UNC79: variants seen among roughly 807,000 people sequenced by gnomAD.
UNC79 encodes protein unc-79 homolog.
In UNC79, 37 loss-of-function variants were observed where a neutral mutation model predicts 283.1. The ratio of observed to expected loss-of-function variants is 0.13; its 90% confidence interval spans 0.10 to 0.17. UNC79 has a LOEUF of 0.17. Ranked by LOEUF, UNC79 falls within the 10% of genes least tolerant of loss-of-function variation. The pLI is 1.00. For synonymous variants in UNC79, 1,107 were observed against 1,200.2 expected, an observed-to-expected ratio of 0.92 and a Z score of 1.61; for missense variants, 2,272 against 3,211.1, an observed-to-expected ratio of 0.71 and a Z score of 7.07.
At chr14:93,392,492 T>A (rs1272502516) in intron 1 of UNC79, among the ~76,000 whole-genome samples, 1 of 152,232 alleles carries the variant, frequency 6.6e-6, no homozygotes, top group Admixed American at 6.5e-5. Flanking sequence ...ACATGTAGTT[T>A]GTATCAAATT....
At chr14:93,458,318 C>G (rs1385519055) in intron 1 of UNC79, among the ~76,000 whole-genome samples, 1 of 152,168 alleles carries the variant, frequency 6.6e-6, no homozygotes, top group East Asian at 1.9e-4. Flanking sequence ...AAAAACAGAA[C>G]AGAACAAACA....
chr14:93,681,180 G>C (rs1469975010), intron 41 of UNC79, among the ~76,000 whole-genome samples: 1 of 152,214 alleles, frequency 6.6e-6, no homozygotes, highest in Non-Finnish European at 1.5e-5. Context: ...AAATGGAAAT[G>C]ACAGAATGTT....
chr14:93,577,298 T>C (rs1192232771), intron 17 of UNC79, among the ~76,000 whole-genome samples: 1 of 152,248 alleles, frequency 6.6e-6, no homozygotes, highest in Non-Finnish European at 1.5e-5. Flanking sequence ...CCACGACTTC[T>C]TGGGCATAGA....
chr14:93,459,415 T>A (rs895754174), intron 1 of UNC79, among the ~76,000 whole-genome samples: 2 of 152,250 alleles, frequency 1.3e-5, no homozygotes, highest in Admixed American at 6.5e-5. Context: ...AATAGTCTAA[T>A]ATTTTGTCTG....
intron 1 of UNC79, among the ~76,000 whole-genome samples, chr14:93,404,484 T>G (rs1218694778): frequency 8.1e-5 from 1 of 12,284 alleles, no homozygotes; most frequent in African/African-American, 8.9e-4. Context: ...AGTGAGACCT[T>G]CTAAAAAAAA....
intron 22 of UNC79, among the ~76,000 whole-genome samples, chr14:93,592,335 C>A (rs1464692900): frequency 6.6e-6 from 1 of 151,754 alleles, no homozygotes; most frequent in African/African-American, 2.4e-5. Flanking sequence ...CCACCACGCC[C>A]GGCTAATTTT....
chr14:93,593,122 C>G (rs76304748), intron 22 of UNC79, among the ~76,000 whole-genome samples: 6 of 152,302 alleles, frequency 3.9e-5, no homozygotes, highest in Admixed American at 1.3e-4. Context: ...TTGGGTCATA[C>G]GCCTTCTCCT....
At position 93,505,575 on chromosome 14, in the gene UNC79, A is replaced by G. The variant is rs535510632; in HGVS notation, c.898+8289A>G. ...TTTATGTGTGTCTTGTAATCAGCAT[A>G]TAGTTCTTTAAACTCAATACTTACG... is the stretch of plus-strand genomic sequence containing the variant. On this transcript the variant is annotated intron_variant, in intron 7 of 48. Coordinates refer to ENST00000555664, the Ensembl canonical transcript of UNC79. Among the ~76,000 whole-genome samples, 23 of 152,198 alleles carry G rather than the reference A, an allele frequency of 1.5e-4. No homozygotes were observed. The South Asian group carries it at 4.8e-3, about 32-fold the overall frequency.
At chr14:93,569,899 T>C (rs1000211465) in intron 14 of UNC79, among the ~76,000 whole-genome samples, 6 of 152,318 alleles carry the variant, frequency 3.9e-5, no homozygotes, top group African/African-American at 1.4e-4. Flanking sequence ...TTTCTGTTTT[T>C]GTAAAGACTC....
At chr14:93,686,125 A>G (rs1039089547) in intron 42 of UNC79, among the ~76,000 whole-genome samples, 3 of 152,202 alleles carry the variant, frequency 2.0e-5, no homozygotes, top group African/African-American at 7.2e-5. Flanking sequence ...AATAGATTCA[A>G]GATTCTGGTG....
At position 93,670,708 on chromosome 14, in the gene UNC79, C is replaced by T. The variant is rs2072755500; in HGVS notation, c.6637-2643C>T. Among the ~76,000 whole-genome samples, 6 of 152,164 alleles carry T rather than the reference C, an allele frequency of 3.9e-5. No homozygotes were observed. The South Asian group carries it at 8.3e-4, about 21-fold the overall frequency. On this transcript the variant is annotated intron_variant, in intron 40 of 48. Coordinates refer to ENST00000555664, the Ensembl canonical transcript of UNC79. ...ATTGGTGATCAATCCAGCCATCAAC[C>T]CTTCTAAGCACTTCTCTAAAGGTTG...
intron 47 of UNC79, among the ~76,000 whole-genome samples, chr14:93,702,045 G>A (rs944503551): frequency 4.6e-5 from 7 of 152,158 alleles, no homozygotes; most frequent in African/African-American, 1.7e-4. Context: ...AGGCGTATGG[G>A]CCCACTTCTG....
intron 1 of UNC79, among the ~76,000 whole-genome samples, chr14:93,435,889 G>A (rs1393001914): frequency 6.6e-6 from 1 of 152,136 alleles, no homozygotes; most frequent in Non-Finnish European, 1.5e-5. Flanking sequence ...GTCTTGGCCT[G>A]TCTAATGCCT....
intron 1 of UNC79, among the ~76,000 whole-genome samples, chr14:93,418,960 A>T (rs926025577): frequency 2.6e-5 from 4 of 151,724 alleles, no homozygotes; most frequent in Admixed American, 2.0e-4. Flanking sequence ...GAACTCCCTG[A>T]CCCCTTGCGT....
intron 1 of UNC79, among the ~76,000 whole-genome samples, chr14:93,450,457 T>A (rs1029923193): frequency 6.6e-6 from 1 of 152,194 alleles, no homozygotes; most frequent in Non-Finnish European, 1.5e-5. Flanking sequence ...TTGCCCTCTA[T>A]GCCTGATACA....
chr14:93,549,190 G>T (rs1482258876), intron 14 of UNC79, among the ~76,000 whole-genome samples: 1 of 152,100 alleles, frequency 6.6e-6, no homozygotes, highest in South Asian at 2.1e-4. Context: ...TTAGTATACC[G>T]TTAAGGTTTC....
intron 33 of UNC79, among the ~76,000 whole-genome samples, chr14:93,641,897 G>C (rs2069072490): frequency 6.6e-6 from 1 of 152,142 alleles, no homozygotes; most frequent in Non-Finnish European, 1.5e-5. Context: ...CAGTGAATAA[G>C]TCTCATGAGA....
intron 7 of UNC79, among the ~76,000 whole-genome samples, chr14:93,499,734 G>A (rs1284380749): frequency 1.3e-5 from 2 of 152,116 alleles, no homozygotes; most frequent in East Asian, 1.9e-4. Flanking sequence ...AGAGAGCTGT[G>A]GGGACACACA....
intron 27 of UNC79, 125 bp from the exon 29 acceptor site, chr14:93,616,997 G>T: frequency 1.3e-6 from 1 of 775,886 alleles, no homozygotes. Flanking sequence ...AATATTCTGT[G>T]GGATGCCTGT....
Sources: gnomAD v4.1 joint callset for allele counts (sites outside exome capture counted in the v4.1 genomes callset) on GRCh38, gnomAD v4.1.1 for gene constraint, MANE v1.5 for transcripts, NCBI Gene and HGNC (gene_info 2026-07-23, HGNC 2026-07-21) for gene names.